The following GUCA1A variants were observed in gnomAD, a reference collection of about 807,000 sequenced individuals.
The protein encoded by GUCA1A is guanylyl cyclase-activating protein 1.
A neutral mutation model predicts 18.5 loss-of-function variants in GUCA1A; 14 were observed. The ratio of observed to expected loss-of-function variants is 0.76; its 90% CI spans 0.50 to 1.18. The LOEUF (loss-of-function observed/expected upper bound fraction) is 1.18. Ranked by LOEUF, GUCA1A falls within the 50% of genes most tolerant of loss-of-function variation. The probability of loss-of-function intolerance (pLI) is 0.00; values close to 1 mark genes in which losing one functional copy is unlikely to be tolerated. For synonymous variants in GUCA1A, 97 were observed against 100.2 expected, an observed-to-expected ratio of 0.97 and a Z score of 0.19; for missense variants, 264 against 262.4, an observed-to-expected ratio of 1.01 and a Z score of -0.04.
intron 1 of GUCA1A, among the ~76,000 whole-genome samples, chr6:42,176,289 T>G (rs55761907): frequency 0.12 from 17,471 of 148,182 alleles, 1,111 homozygotes; most frequent in Middle Eastern, 0.22. Flanking sequence ...CCAACCTGCC[T>G]CATCTACACC....
At chr6:42,179,213 T>TC in intron 3 of GUCA1A, 30 bp from the exon 4 acceptor site, 1 of 1,603,330 alleles carries the variant, frequency 6.2e-7, no homozygotes, top group Non-Finnish European at 8.5e-7. Context: ...AACACCCTCC[T>TC]CCCCCTGATT....
At chr6:42,177,972 C>T (rs1365094238) in intron 1 of GUCA1A, among the ~76,000 whole-genome samples, 2 of 152,252 alleles carry the variant, frequency 1.3e-5, no homozygotes, top group African/African-American at 4.8e-5. Context: ...AGGCAGCGCT[C>T]GCTAAAACCC....
At position 42,176,425 on chromosome 6, in the gene GUCA1A, G is replaced by C. The variant is rs188263440; in HGVS notation, c.202-1855G>C. Among the ~76,000 whole-genome samples, 584 of 151,804 alleles carry C rather than the reference G, an allele frequency of 3.8e-3. 7 individuals carry two copies. The highest frequency in any genetic ancestry group is 0.013 in the African/African-American group (544 of 41,294). Reference sequence around the variant, plus strand: ...AAGTTTTTGTTGTTGTTGTTGTTTTGTTTTTTGTTGTTGTTGTTGTTTTTT... The same window carrying C: ...AAGTTTTTGTTGTTGTTGTTGTTTTCTTTTTTGTTGTTGTTGTTGTTTTTT... On this transcript the variant is annotated intron_variant, in intron 1 of 3. Coordinates refer to ENST00000372958, the MANE Select transcript of GUCA1A (RefSeq NM_001384910.1).
Position 42,178,863 on chromosome 6 carries a change from C to CA in GUCA1A, c.414dup (p.Val139SerfsTer6). 2 of 1,613,712 alleles carry CA rather than the reference C, an allele frequency of 1.2e-6. No individual in the cohort carries two copies. Among genetic ancestry groups the CA allele is most frequent in the Non-Finnish European group, 1.7e-6 (2 of 1,179,606 alleles). The stretch of plus-strand genomic sequence containing the variant: ...ATGACTGCAGAGGAGTTCACCGATA[C>CA]AGTGTTCTCCAAGATTGACGTCAAC... On this transcript the variant is annotated frameshift_variant, in exon 3 of 4. Transcript: ENST00000372958. LOFTEE classifies it high-confidence loss of function.
intron 1 of GUCA1A, among the ~76,000 whole-genome samples, chr6:42,174,336 G>A (rs962878096): frequency 2.0e-5 from 3 of 152,220 alleles, no homozygotes; most frequent in South Asian, 4.1e-4. Context: ...TCACTGTCTG[G>A]CATGGGCAGG....
chr6:42,177,907 A>T (rs956588432), intron 1 of GUCA1A, among the ~76,000 whole-genome samples: 1 of 152,206 alleles, frequency 6.6e-6, no homozygotes, highest in Non-Finnish European at 1.5e-5. Flanking sequence ...ACCTACGCAC[A>T]TGTCTCCCAT....
In GUCA1A at chr6:42,179,359, C is replaced by A. The variant is rs542533252; in HGVS notation, c.562C>A (p.Gln188Lys). The A allele has an allele frequency of 1.5e-5, 24 of 1,611,934 alleles. No individual in the cohort carries two copies. Among genetic ancestry groups the A allele is most frequent in the Non-Finnish European group, 1.9e-5 (22 of 1,178,776 alleles). Residue 188 changes from glutamine (Q) to lysine (K), a missense_variant, in exon 4 of 4, where the codon CAA (glutamine) becomes AAA (lysine). Coordinates refer to ENST00000372958, the MANE Select transcript of GUCA1A (RefSeq NM_001384910.1). ...CGTGCGCAGGCTCCAGAATGGCGAG[C>A]AAGACGAGGAGGGGGCTGACGAGGC... is the stretch of plus-strand genomic sequence containing the variant. Reference protein sequence around the residue: ...RIVRRLQNGEQDEEGADEAAE... With the variant: ...RIVRRLQNGEKDEEGADEAAE...
chr6:42,173,492 A>G lies in GUCA1A; in HGVS notation c.-122A>G, dbSNP rs1767862044. The G allele has an allele frequency of 3.2e-5, 24 of 758,530 alleles. No individual in the cohort carries two copies. The highest frequency in any genetic ancestry group is 3.5e-4 in the Middle Eastern group (1 of 2,866). 47.0% of individuals were successfully genotyped at this position (758,530 alleles called of 1,614,324 possible). On this transcript the variant is annotated 5_prime_UTR_variant, in exon 1 of 4. Coordinates refer to ENST00000372958, the MANE Select transcript of GUCA1A (RefSeq NM_001384910.1). ...TGATCCATCAGGCCCTTCTTTGCTC[A>G]GGCCTGAAGGACTCAGGCCTGTGAG... is the stretch of plus-strand genomic sequence containing the variant.
At chr6:42,177,657 C>G (rs1426940698) in intron 1 of GUCA1A, among the ~76,000 whole-genome samples, 2 of 152,186 alleles carry the variant, frequency 1.3e-5, no homozygotes, top group Non-Finnish European at 2.9e-5. Context: ...TCCCCTCCCC[C>G]AGAGGAAACC....
At chr6:42,174,300 G>A (rs191188357) in intron 1 of GUCA1A, among the ~76,000 whole-genome samples, 267 of 152,346 alleles carry the variant, frequency 1.8e-3, no homozygotes, top group African/African-American at 5.2e-3. Flanking sequence ...GCAGAGAGCA[G>A]GGAGCAAGAT....
In GUCA1A at chr6:42,179,884, C is replaced by CT. The variant is rs917242378; in HGVS notation, c.*484dup. The CT allele has an allele frequency of 6.5e-6, 1 of 153,328 alleles. No homozygotes were observed. The highest frequency in any genetic ancestry group is 1.5e-5 in the Non-Finnish European group (1 of 68,920). 9.5% of individuals were successfully genotyped at this position (153,328 alleles called of 1,614,324 possible). A position where few individuals can be genotyped will look rare whatever the true frequency, so the allele number is the denominator to read the frequency against. ...GGGGACCCTGGAGCCTACTTGTGCG[C>CT]TTTGCATTTCATTGATTGACGCCTC... On this transcript the variant is annotated 3_prime_UTR_variant, in exon 4 of 4. Transcript: ENST00000372958.
rs558249974 is a variant in GUCA1A at position 42,179,339 on chromosome 6, G to A, written c.542G>A (p.Arg181His). The change falls in exon 4 of 4, where the codon CGC becomes CAC. Residue 181 changes from arginine (R) to histidine (H), a missense_variant. Transcript: ENST00000372958. The stretch of plus-strand genomic sequence containing the variant: ...AGCCTGGACCTTACCCGCATCGTGC[G>A]CAGGCTCCAGAATGGCGAGCAAGAC... ...TRSLDLTRIV[R>H]RLQNGEQDEE... 3.1e-6 allele frequency: 5 copies of A among 1,613,548 alleles called. No homozygotes were observed. The highest frequency in any genetic ancestry group is 1.1e-5 in the South Asian group (1 of 90,996).
chr6:42,173,559 G>C lies in GUCA1A; in HGVS notation c.-55G>C. On this transcript the variant is annotated 5_prime_UTR_variant, in exon 1 of 4. Transcript: ENST00000372958. The stretch of plus-strand genomic sequence containing the variant: ...GTCGGCCAAGACACCTTTGGGCGAG[G>C]AGCAGCGAACAGGGCCTGTCCATCT... 2.1e-6 allele frequency: 3 copies of C among 1,432,940 alleles called. No homozygotes were observed. Among genetic ancestry groups the C allele is most frequent in the Non-Finnish European group, 2.9e-6 (3 of 1,017,060 alleles). 88.8% of individuals were successfully genotyped at this position (1,432,940 alleles called of 1,614,324 possible).
At chr6:42,178,742 C>A (rs2113838212) in intron 2 of GUCA1A, 60 bp from the exon 3 acceptor site, 10 of 1,327,164 alleles carry the variant, frequency 7.5e-6, no homozygotes, top group Middle Eastern at 1.8e-4. Context: ...GTCCCCAATC[C>A]TACCCCTGAG....
At chr6:42,177,837 C>T (rs1767997698) in intron 1 of GUCA1A, among the ~76,000 whole-genome samples, 1 of 152,176 alleles carries the variant, frequency 6.6e-6, no homozygotes. Context: ...GGGTGAGAAA[C>T]TCCCAAAAGC....
rs114521772 is a variant in GUCA1A, at chr6:42,178,264, C to T, written c.202-16C>T. ...GGGGCCCGGATGGGCTCACGGCGGC[C>T]GCGCCCCTCGCCCAGGACGGCTACA... is the stretch of plus-strand genomic sequence containing the variant. On this transcript the variant is annotated splice_polypyrimidine_tract_variant and intron_variant, in intron 1 of 3. Coordinates refer to ENST00000372958, the MANE Select transcript of GUCA1A (RefSeq NM_001384910.1). 7.7e-4 allele frequency: 1,241 copies of T among 1,612,814 alleles called. 3 individuals are homozygous for T. In the African/African-American group the frequency reaches 0.015, roughly 19 times the overall value.
At chr6:42,173,964 G>A in intron 1 of GUCA1A, 150 bp downstream of exon 1, 2 of 650,348 alleles carry the variant, frequency 3.1e-6, no homozygotes, top group South Asian at 1.8e-5. Flanking sequence ...TATTTGATAG[G>A]TGGGTTTTTG....
At chr6:42,175,184 T>C (rs35138150) in intron 1 of GUCA1A, among the ~76,000 whole-genome samples, 8,719 of 151,890 alleles carry the variant, frequency 0.057, 336 homozygotes, top group Admixed American at 0.11. Flanking sequence ...TGGTTGAGCC[T>C]CACACCTTAC....
Position 42,178,379 on chromosome 6 carries a change from G to A in GUCA1A, c.301G>A (p.Val101Ile). The change falls in exon 2 of 4, where the codon GTA (valine) becomes ATA (isoleucine). Residue 101 changes from valine to isoleucine, a missense_variant. Physicochemically the swap from Val to Ile is conservative, Grantham distance 29. Coordinates refer to ENST00000372958, the MANE Select transcript of GUCA1A (RefSeq NM_001384910.1). The stretch of plus-strand genomic sequence containing the variant: ...CCGCTGGTACTTCAAGCTCTATGAT[G>A]TAGATGGCAACGGCTGCATTGACCG... ...KLRWYFKLYD[V>I]DGNGCIDRDE... 1.2e-6 allele frequency: 2 copies of A among 1,614,120 alleles called. No individual in the cohort carries two copies. Among genetic ancestry groups the A allele is most frequent in the Non-Finnish European group, 1.7e-6 (2 of 1,179,952 alleles).
Sources: allele counts gnomAD v4.1 joint callset (sites outside exome capture counted in the v4.1 genomes callset), GRCh38; gene constraint gnomAD v4.1.1; transcripts MANE v1.5; gene names NCBI Gene and HGNC (gene_info 2026-07-23, HGNC 2026-07-21).